Variants in BAZ1A observed in about 807,000 individuals in gnomAD.
BAZ1A encodes bromodomain adjacent to zinc finger domain protein 1A.
In BAZ1A, 50 loss-of-function variants were observed where a neutral mutation model predicts 185.2. The ratio of observed to expected loss-of-function variants is 0.27; its 90% confidence interval spans 0.22 to 0.34. BAZ1A has a LOEUF of 0.34. BAZ1A is among the 10% of genes least tolerant of loss of function. The pLI, the probability that BAZ1A is intolerant of heterozygous loss-of-function variation, is 1.00. For missense variants in BAZ1A, 1,356 were observed against 1,839.9 expected (o/e 0.74, Z 4.81); for synonymous variants, 571 against 615.6 (o/e 0.93, Z 1.07).
intron 3 of BAZ1A, among the ~76,000 whole-genome samples, chr14:34,842,665 A>G (rs1051541936): frequency 1.3e-5 from 2 of 152,218 alleles, no homozygotes; most frequent in Admixed American, 6.5e-5. Context: ...TAACTATAAT[A>G]TCTTTTAATC....
intron 3 of BAZ1A, among the ~76,000 whole-genome samples, chr14:34,839,520 C>T (rs1234377084): frequency 2.9e-5 from 4 of 136,144 alleles, no homozygotes; most frequent in African/African-American, 1.1e-4. Flanking sequence ...GCCTGGGCGA[C>T]TAAGCCAGAA....
chr14:34,762,518 C>T (rs113883048), intron 23 of BAZ1A, among the ~76,000 whole-genome samples: 1 of 151,518 alleles, frequency 6.6e-6, no homozygotes, highest in African/African-American at 2.4e-5. Flanking sequence ...TCACTGTCAC[C>T]CAGGCTGGAG....
chr14:34,760,263 CAAACAGCTTGG>C (rs973839436), intron 24 of BAZ1A, among the ~76,000 whole-genome samples: 9 of 152,080 alleles, frequency 5.9e-5, no homozygotes, highest in African/African-American at 2.2e-4. Context: ...ATTATTTCTC[CAAACAGCTTGG>C]AGAATTGGGG....
chr14:34,863,152 C>CTTTTTTTTT (rs71121233), intron 2 of BAZ1A, among the ~76,000 whole-genome samples: 1 of 44,690 alleles, frequency 2.2e-5, no homozygotes, highest in African/African-American at 6.7e-5. Context: ...CCACGCTCGG[C>CTTTTTTTTT]TTTTTTTTTT....
intron 3 of BAZ1A, among the ~76,000 whole-genome samples, chr14:34,836,864 A>G (rs950699357): frequency 6.6e-6 from 1 of 152,052 alleles, no homozygotes; most frequent in Admixed American, 6.5e-5. Context: ...GAAAAAAGGA[A>G]AAGATTGCTT....
chr14:34,764,768 C>G lies in BAZ1A; in HGVS notation c.3715G>C (p.Glu1239Gln). 6.2e-7 allele frequency: 1 copy of G among 1,609,514 alleles called. No individual in the cohort carries two copies. The highest frequency in any genetic ancestry group is 8.5e-7 in the Non-Finnish European group (1 of 1,175,868). ...VDGDEEEGQS[E>Q]EEEYEVEQDE... ...TGTTCTACCTCATACTCTTCCTCCT[C>G]ACTTTGACCTTCTTCTTCATCGCCA... The change falls in exon 23 of 27, where the codon GAG (glutamate) becomes CAG (glutamine). Residue 1239 changes from glutamate (E) to glutamine (Q), a missense_variant. Physicochemically the swap from Glu to Gln is conservative, Grantham distance 29 (BLOSUM62 2). Transcript: ENST00000360310.
In BAZ1A at chr14:34,867,184, G is replaced by A. The variant is rs186040112; in HGVS notation, c.114-4862C>T. On this transcript the variant is annotated intron_variant, in intron 2 of 26. Coordinates refer to ENST00000360310, the MANE Select transcript of BAZ1A (RefSeq NM_013448.3). ...TGAGGCAGGAAAATCACCTGAACCC[G>A]GAAGGTGGAGGTTGCAGTGAGCTGA... 5.6e-3 allele frequency among the ~76,000 whole-genome samples: 845 copies of A among 152,178 alleles called. 8 individuals carry two copies. The highest frequency in any genetic ancestry group is 0.02 in the African/African-American group (810 of 41,526).
At chr14:34,844,649 G>A (rs974001092) in intron 3 of BAZ1A, among the ~76,000 whole-genome samples, 1 of 151,756 alleles carries the variant, frequency 6.6e-6, no homozygotes, top group Non-Finnish European at 1.5e-5. Context: ...AGGTGTGGTG[G>A]CATAAGCCTA....
intron 17 of BAZ1A, 59 bp downstream of exon 17, chr14:34,780,127 A>G: frequency 1.3e-6 from 2 of 1,588,776 alleles, no homozygotes; most frequent in Non-Finnish European, 1.7e-6. Flanking sequence ...GAATTAATAA[A>G]GTGCTTTATT....
At chr14:34,800,156 A>G in intron 9 of BAZ1A, 68 bp downstream of exon 9, 2 of 1,199,578 alleles carry the variant, frequency 1.7e-6, no homozygotes, top group Admixed American at 6.1e-5. Context: ...AAAATCAACC[A>G]TGGATGTAGA....
At chr14:34,796,165 T>TACACACAGAC (rs1555340377) in intron 9 of BAZ1A, among the ~76,000 whole-genome samples, 1 of 146,498 alleles carries the variant, frequency 6.8e-6, no homozygotes, top group Non-Finnish European at 1.5e-5. Context: ...TACATATACA[T>TACACACAGAC]ACACACACAC....
intron 12 of BAZ1A, among the ~76,000 whole-genome samples, chr14:34,787,444 G>A (rs1801898729): frequency 6.6e-6 from 1 of 151,794 alleles, no homozygotes; most frequent in African/African-American, 2.4e-5. Flanking sequence ...CAGCACTTTG[G>A]GAGGCTGAGG....
intron 25 of BAZ1A, among the ~76,000 whole-genome samples, chr14:34,756,422 G>A (rs1232560185): frequency 7.2e-6 from 1 of 138,716 alleles, no homozygotes; most frequent in Non-Finnish European, 1.5e-5. Context: ...GCCCTAAACT[G>A]TTGAGATTAC....
intron 3 of BAZ1A, among the ~76,000 whole-genome samples, chr14:34,849,488 A>C (rs1566595929): frequency 6.6e-6 from 1 of 152,162 alleles, no homozygotes; most frequent in Non-Finnish European, 1.5e-5. Flanking sequence ...CCAGGCTTTC[A>C]TCTTTTGCAT....
At chr14:34,842,919 C>T (rs1297468471) in intron 3 of BAZ1A, among the ~76,000 whole-genome samples, 1 of 151,962 alleles carries the variant, frequency 6.6e-6, no homozygotes, top group East Asian at 1.9e-4. Flanking sequence ...TCTCCCAAAG[C>T]CCTAGGGCTC....
intron 24 of BAZ1A, among the ~76,000 whole-genome samples, chr14:34,761,005 G>A (rs756720003): frequency 9.2e-5 from 14 of 152,116 alleles, no homozygotes; most frequent in African/African-American, 1.9e-4. Context: ...GAGGCCAGGC[G>A]CGGTGGCTCA....
At chr14:34,868,566 G>A (rs1594919645) in intron 2 of BAZ1A, among the ~76,000 whole-genome samples, 1 of 152,306 alleles carries the variant, frequency 6.6e-6, no homozygotes, top group African/African-American at 2.4e-5. Flanking sequence ...CACTTTGGGA[G>A]GCCGAGGCGG....
chr14:34,796,530 C>T (rs1290275934), intron 9 of BAZ1A, among the ~76,000 whole-genome samples: 1 of 152,096 alleles, frequency 6.6e-6, no homozygotes, highest in Admixed American at 6.6e-5. Context: ...TTAAAAGCAA[C>T]AATATTAGAA....
At chr14:34,775,545 A>C (rs1879540863) in intron 18 of BAZ1A, among the ~76,000 whole-genome samples, 2 of 152,072 alleles carry the variant, frequency 1.3e-5, no homozygotes, top group African/African-American at 4.8e-5. Flanking sequence ...ACTTCTCCCT[A>C]GACTCTCAGC....
Sources: gnomAD v4.1 joint callset for allele counts (sites outside exome capture counted in the v4.1 genomes callset) on GRCh38, gnomAD v4.1.1 for gene constraint, MANE v1.5 for transcripts, NCBI Gene and HGNC (gene_info 2026-07-23, HGNC 2026-07-21) for gene names.